Variants in AMER1 observed in about 807,000 individuals in gnomAD.
AMER1 encodes RP11-403E24.2.
Under a neutral mutation model 53.0 loss-of-function variants are expected in AMER1, and 16 were observed. That is an observed-to-expected ratio of 0.30 (90% CI 0.20 to 0.46). The LOEUF is 0.46. AMER1 is among the 20% of genes least tolerant of loss of function. The pLI, the probability that AMER1 is intolerant of heterozygous loss-of-function variation, is 1.00. For missense variants in AMER1, 947 were observed against 884.9 expected (o/e 1.07, Z -0.89); for synonymous variants, 354 against 331.9 (o/e 1.07, Z -0.73).
chrX:64,202,422 G>A lies in AMER1; in HGVS notation c.-99+3148C>T, dbSNP rs750541513. Among the ~76,000 whole-genome samples, 5 of 111,961 alleles carry A rather than the reference G, an allele frequency of 4.5e-5. No individual in the cohort carries two copies. The South Asian group carries it at 1.9e-3, about 42-fold the overall frequency. On this transcript the variant is annotated intron_variant, in intron 1 of 1. Transcript: ENST00000374869. ...CTGGTTCCATGGAACATAGTGGAAA[G>A]AGCCACTGCACGGGAAGCAGGAGCC...
chrX:64,201,190 G>A (rs771795450), intron 1 of AMER1, among the ~76,000 whole-genome samples: 152 of 110,878 alleles, frequency 1.4e-3, no homozygotes, highest in African/African-American at 4.7e-3. Context: ...GGAGGTGGAG[G>A]GAGCAACATA....
chrX:64,193,781 T>C (rs938851028), intron 1 of AMER1, among the ~76,000 whole-genome samples: 1 of 112,080 alleles, frequency 8.9e-6, no homozygotes, highest in Non-Finnish European at 1.9e-5. Flanking sequence ...AAAAGGGATG[T>C]TGGCTCCAAC....
intron 1 of AMER1, among the ~76,000 whole-genome samples, chrX:64,199,416 A>G (rs1190554048): frequency 8.9e-6 from 1 of 112,023 alleles, no homozygotes; most frequent in Non-Finnish European, 1.9e-5. Flanking sequence ...CTCACCTTCT[A>G]TAGGCTGTGT....
Position 64,186,230 on chromosome X carries a change from G to A in AMER1, c.*3649C>T. On this transcript the variant is annotated 3_prime_UTR_variant, in exon 2 of 2. Transcript: ENST00000374869. The stretch of plus-strand genomic sequence containing the variant: ...GACAGTGTGGTACAGCTAAGGTAGG[G>A]AGAGGGGAAAGAGGGAGGGCCCTAG... 3.4e-6 allele frequency: 4 copies of A among 1,181,127 alleles called. No homozygotes were observed. The South Asian group carries it at 7.6e-5, about 22-fold the overall frequency.
chrX:64,189,792 A>ATGGG lies in AMER1; in HGVS notation c.*86_*87insCCCA. 1.3e-6 allele frequency: 1 copy of ATGGG among 746,977 alleles called. No individual in the cohort carries two copies. Among genetic ancestry groups the ATGGG allele is most frequent in the Non-Finnish European group, 1.7e-6 (1 of 590,432 alleles). The allele number at this position is 746,977 out of a possible 1,213,427, so 61.6% of individuals were successfully genotyped here. ...CCAAAGGGTTTTCAAGTTAAACAACAACCCCCACCCCCCCACCCTTCTGCC... is the reference window on the plus strand; with the variant it reads ...CCAAAGGGTTTTCAAGTTAAACAACATGGGACCCCCACCCCCCCACCCTTCTGCC... On this transcript the variant is annotated 3_prime_UTR_variant, in exon 2 of 2. Coordinates refer to ENST00000374869, the MANE Select transcript of AMER1 (RefSeq NM_152424.4).
Position 64,189,793 on chromosome X carries a change from A to AGGGGGGGCC in AMER1, c.*85_*86insGGCCCCCCC. 4 of 292,048 alleles carry AGGGGGGGCC rather than the reference A, an allele frequency of 1.4e-5. No homozygotes were observed. The highest frequency in any genetic ancestry group is 2.0e-5 in the Non-Finnish European group (4 of 204,811). 24.1% of individuals were successfully genotyped at this position (292,048 alleles called of 1,213,427 possible). ...CAAAGGGTTTTCAAGTTAAACAACA[A>AGGGGGGGCC]CCCCCACCCCCCCACCCTTCTGCCC... On this transcript the variant is annotated 3_prime_UTR_variant, in exon 2 of 2. Coordinates refer to ENST00000374869, the MANE Select transcript of AMER1 (RefSeq NM_152424.4).
At position 64,190,010 on chromosome X, in the gene AMER1, C is replaced by G. The variant is rs1314155750; in HGVS notation, c.3277G>C (p.Glu1093Gln). 1 of 1,206,746 alleles carries G rather than the reference C, an allele frequency of 8.3e-7. No individual in the cohort carries two copies. The highest frequency in any genetic ancestry group is 1.1e-6 in the Non-Finnish European group (1 of 892,932). Residue 1093 changes from glutamate to glutamine, a missense_variant, in exon 2 of 2, where the codon GAG becomes CAG. By Grantham distance (29) the Glu-to-Gln change is conservative. Coordinates refer to ENST00000374869, the MANE Select transcript of AMER1 (RefSeq NM_152424.4). Reference protein sequence around the residue: ...GIPQLPRVRPEHPQPQPTHYG... With the variant: ...GIPQLPRVRPQHPQPQPTHYG... Reference sequence around the variant, plus strand: ...TGAGTGGGCTGAGGCTGGGGGTGCTCAGGCCGGACCCTGGGCAGCTGAGGA... The same window carrying G: ...TGAGTGGGCTGAGGCTGGGGGTGCTGAGGCCGGACCCTGGGCAGCTGAGGA...
At position 64,189,887 on chromosome X, in the gene AMER1, C is replaced by G. The variant is rs2147083807; in HGVS notation, c.3400G>C (p.Ala1134Pro). 9.0e-7 allele frequency: 1 copy of G among 1,106,442 alleles called. No homozygotes were observed. Among genetic ancestry groups the G allele is most frequent in the Non-Finnish European group, 1.2e-6 (1 of 832,422 alleles). 91.2% of individuals were successfully genotyped at this position (1,106,442 alleles called of 1,213,427 possible). A position where few individuals can be genotyped will look rare whatever the true frequency, so the allele number is the denominator to read the frequency against. The change falls in exon 2 of 2, where the codon GCC becomes CCC. Residue 1134 changes from alanine to proline, a missense_variant. By Grantham distance (27) the Ala-to-Pro change is conservative. Transcript: ENST00000374869. ...TCCAGAATTGATAATAACTACTTGG[C>G]TAGGTTTCCATTCATGGCAGTGGAG... Reference protein sequence around the residue: ...YSSTAMNGNLAK With the variant: ...YSSTAMNGNLPK
At chrX:64,199,389 G>A (rs766752675) in intron 1 of AMER1, among the ~76,000 whole-genome samples, 19 of 111,946 alleles carry the variant, frequency 1.7e-4, no homozygotes, top group African/African-American at 5.5e-4. Flanking sequence ...TTCTTGGTGC[G>A]GAACTGGAAT....
At chrX:64,200,281 C>T (rs1444338121) in intron 1 of AMER1, among the ~76,000 whole-genome samples, 2 of 112,190 alleles carry the variant, frequency 1.8e-5, no homozygotes, top group East Asian at 5.7e-4. Flanking sequence ...GGAGCTAACT[C>T]CAGAGAAACA....
At chrX:64,198,415 A>G (rs1456976973) in intron 1 of AMER1, among the ~76,000 whole-genome samples, 1 of 111,434 alleles carries the variant, frequency 9.0e-6, no homozygotes, top group East Asian at 2.8e-4. Context: ...ACTCCTTGTC[A>G]CAGAGAAGGA....
chrX:64,188,066 A>C lies in AMER1; in HGVS notation c.*1813T>G. The C allele has an allele frequency of 1.3e-6, 1 of 783,986 alleles. No homozygotes were observed. Among genetic ancestry groups the C allele is most frequent in the Non-Finnish European group, 1.5e-6 (1 of 657,323 alleles). The allele number at this position is 783,986 out of a possible 1,213,427, so 64.6% of individuals were successfully genotyped here. ...CCCAATCTGAGAAATGGTGACAAAGACCAGCATGGACACATCCCCTGGCCA... is the reference window on the plus strand; with the variant it reads ...CCCAATCTGAGAAATGGTGACAAAGCCCAGCATGGACACATCCCCTGGCCA... On this transcript the variant is annotated 3_prime_UTR_variant, in exon 2 of 2. Coordinates refer to ENST00000374869, the MANE Select transcript of AMER1 (RefSeq NM_152424.4).
chrX:64,187,881 A>G lies in AMER1; in HGVS notation c.*1998T>C, dbSNP rs1930139762. ...TTCATTCTCCAGCTCCACAACAGAT[A>G]CATTTCTTCACAATGTATCTGTAGC... On this transcript the variant is annotated 3_prime_UTR_variant, in exon 2 of 2. Transcript: ENST00000374869. The G allele has an allele frequency of 1.3e-6, 1 of 775,531 alleles. No individual in the cohort carries two copies. The allele number at this position is 775,531 out of a possible 1,213,427, so 63.9% of individuals were successfully genotyped here.
chrX:64,187,189 C>T lies in AMER1; in HGVS notation c.*2690G>A. ...CCTGTGCTGTCAACACCATGGGTCC[C>T]CAGACAGGTCTTCCTTCCTCCCCTA... On this transcript the variant is annotated 3_prime_UTR_variant, in exon 2 of 2. Transcript: ENST00000374869. 1 of 786,856 alleles carries T rather than the reference C, an allele frequency of 1.3e-6. No individual in the cohort carries two copies. Among genetic ancestry groups the T allele is most frequent in the Middle Eastern group, 6.8e-4 (1 of 1,479 alleles). 64.8% of individuals were successfully genotyped at this position (786,856 alleles called of 1,213,427 possible). A position where few individuals can be genotyped will look rare whatever the true frequency, so the allele number is the denominator to read the frequency against.
chrX:64,189,795 C>CCA lies in AMER1; in HGVS notation c.*83_*84insTG. On this transcript the variant is annotated 3_prime_UTR_variant, in exon 2 of 2. Transcript: ENST00000374869. ...AAGGGTTTTCAAGTTAAACAACAAC[C>CCA]CCCACCCCCCCACCCTTCTGCCCAA... 12 of 154,263 alleles carry CCA rather than the reference C, an allele frequency of 7.8e-5. No homozygotes were observed. Among genetic ancestry groups the CCA allele is most frequent in the Middle Eastern group, 3.2e-3 (1 of 309 alleles). The allele number at this position is 154,263 out of a possible 1,213,427, so 12.7% of individuals were successfully genotyped here.
rs946960792 is a variant in AMER1 at position 64,187,504 on chromosome X, G to A, written c.*2375C>T. 20 of 782,743 alleles carry A rather than the reference G, an allele frequency of 2.6e-5. 1 individual carries two copies. The Middle Eastern group carries it at 2.0e-3, about 78-fold the overall frequency. The allele number at this position is 782,743 out of a possible 1,213,427, so 64.5% of individuals were successfully genotyped here. ...CCTCATGCTGCCTTCCTGATCCTGA[G>A]GGCAGCTCTCAGCCCTTAGCCAAAG... On this transcript the variant is annotated 3_prime_UTR_variant, in exon 2 of 2. Coordinates refer to ENST00000374869, the MANE Select transcript of AMER1 (RefSeq NM_152424.4).
In AMER1 at chrX:64,190,338, A is replaced by C; in HGVS notation, c.2949T>G (p.Pro983=). 2 of 1,211,723 alleles carry C rather than the reference A, an allele frequency of 1.7e-6. No individual in the cohort carries two copies. Among genetic ancestry groups the C allele is most frequent in the Non-Finnish European group, 2.2e-6 (2 of 895,387 alleles). Residue 983 remains proline, a synonymous_variant, in exon 2 of 2, where the codon CCT becomes CCG. Transcript: ENST00000374869. ...CCTGCCTATATGGAGACTGGCTGGA[A>C]GGCCTGTCCAACTGGTTGGGGCTTA... ...AWISPNQLDR[P]SSQSPYRQAT...
In AMER1 at chrX:64,189,488, G is replaced by C. The variant is rs1469496797; in HGVS notation, c.*391C>G. 3.7e-5 allele frequency: 3 copies of C among 81,690 alleles called. No homozygotes were observed. Among genetic ancestry groups the C allele is most frequent in the Non-Finnish European group, 4.7e-5 (3 of 64,230 alleles). The allele number at this position is 81,690 out of a possible 1,213,427, so 6.7% of individuals were successfully genotyped here. A position where few individuals can be genotyped will look rare whatever the true frequency, so the allele number is the denominator to read the frequency against. On this transcript the variant is annotated 3_prime_UTR_variant, in exon 2 of 2. Transcript: ENST00000374869. ...TTTGTGTGTGTGTGTGTATGTATGTGTGTGTGTGTGTGTGTGTGTGTGTGT... is the reference window on the plus strand; with the variant it reads ...TTTGTGTGTGTGTGTGTATGTATGTCTGTGTGTGTGTGTGTGTGTGTGTGT...
rs749429391 is a variant in AMER1, at chrX:64,192,649, T to C, written c.638A>G (p.Gln213Arg). The change falls in exon 2 of 2, where the codon CAG (glutamine) becomes CGG (arginine). Residue 213 changes from glutamine to arginine, a missense_variant. Gln to Arg is a conservative substitution (Grantham distance 43). Transcript: ENST00000374869. The part of the protein sequence containing the change: ...RPHEHVSSAP[Q>R]VPCFEETFQA... ...GAAGGTCTCCTCAAAGCAGGGCACC[T>C]GAGGGGCTGAGCTCACGTGCTCATG... 62 of 1,165,548 alleles carry C rather than the reference T, an allele frequency of 5.3e-5. No individual in the cohort carries two copies. The highest frequency in any genetic ancestry group is 6.8e-5 in the Non-Finnish European group (60 of 876,199).
Sources: gnomAD v4.1 joint callset for allele counts (sites outside exome capture counted in the v4.1 genomes callset) on GRCh38, gnomAD v4.1.1 for gene constraint, MANE v1.5 for transcripts, NCBI Gene and HGNC (gene_info 2026-07-23, HGNC 2026-07-21) for gene names.